SKAP1: variants seen among roughly 807,000 people sequenced by gnomAD.
The protein encoded by SKAP1 is src kinase-associated phosphoprotein 1.
In SKAP1, 44 loss-of-function variants were observed where a neutral mutation model predicts 58.5. The observed-to-expected ratio is 0.75, with a 90% confidence interval of 0.59 to 0.97. SKAP1 has a LOEUF of 0.97. SKAP1 is among the 50% of genes least tolerant of loss of function. The pLI is 0.00. For missense variants in SKAP1, 390 were observed against 435.2 expected (o/e 0.90, Z 0.92); for synonymous variants, 127 against 149.7 (o/e 0.85, Z 1.11).
chr17:48,296,215 A>T (rs1294112009), intron 4 of SKAP1, among the ~76,000 whole-genome samples: 1 of 152,184 alleles, frequency 6.6e-6, no homozygotes, highest in Non-Finnish European at 1.5e-5. Flanking sequence ...AGGTTTGGAA[A>T]GAAAAAAAAA....
chr17:48,350,236 CAAAT>C (rs2066781397), intron 3 of SKAP1, among the ~76,000 whole-genome samples: 1 of 151,974 alleles, frequency 6.6e-6, no homozygotes, highest in East Asian at 1.9e-4. Context: ...GAGAAAATAA[CAAAT>C]AACAGAGAAA....
At chr17:48,219,035 G>A (rs192979057) in intron 4 of SKAP1, among the ~76,000 whole-genome samples, 1 of 152,238 alleles carries the variant, frequency 6.6e-6, no homozygotes, top group African/African-American at 2.4e-5. Flanking sequence ...TTTCCTATTA[G>A]TATTTATCTA....
intron 4 of SKAP1, among the ~76,000 whole-genome samples, chr17:48,328,308 T>C (rs2066463641): frequency 6.6e-6 from 1 of 152,214 alleles, no homozygotes; most frequent in African/African-American, 2.4e-5. Context: ...TAAATACTTT[T>C]ATAATGAAAA....
intron 4 of SKAP1, among the ~76,000 whole-genome samples, chr17:48,259,843 T>G (rs1470766362): frequency 1.3e-5 from 2 of 152,170 alleles, no homozygotes; most frequent in African/African-American, 4.8e-5. Context: ...AAAGGTCAGC[T>G]TTATTTGAAA....
chr17:48,430,512 G>A (rs533041267), upstream of SKAP1, among the ~76,000 whole-genome samples: 2 of 152,118 alleles, frequency 1.3e-5, no homozygotes, highest in Non-Finnish European at 2.9e-5. Context: ...TTGACCTCAC[G>A]GTGGCAGATT....
chr17:48,384,504 T>C (rs572015012), intron 2 of SKAP1, among the ~76,000 whole-genome samples: 2 of 152,262 alleles, frequency 1.3e-5, no homozygotes, highest in South Asian at 4.1e-4. Context: ...GGCCCAACGA[T>C]GACATGAAGG....
At chr17:48,200,125 TA>T (rs970704193) in intron 4 of SKAP1, among the ~76,000 whole-genome samples, 20 of 145,868 alleles carry the variant, frequency 1.4e-4, no homozygotes, top group Admixed American at 2.0e-4. Flanking sequence ...CTGTCTCTAC[TA>T]AAAAAAAAAG....
chr17:48,257,628 CTTTTTTTTTT>C (rs56225931), intron 4 of SKAP1, among the ~76,000 whole-genome samples: 4 of 111,150 alleles, frequency 3.6e-5, no homozygotes, highest in African/African-American at 6.5e-5. Context: ...TTCTTTCTTT[CTTTTTTTTTT>C]TTTTTTTTTT....
At chr17:48,413,523 A>AAAATATATATATATATAT in intron 1 of SKAP1, among the ~76,000 whole-genome samples, 1 of 105,506 alleles carries the variant, frequency 9.5e-6, no homozygotes, top group African/African-American at 4.3e-5. Context: ...TCAAAAAAAA[A>AAAATATATATATATATAT]ATATATATAT....
intron 6 of SKAP1, 156 bp from the exon 7 acceptor site, chr17:48,185,003 G>C: frequency 1.5e-6 from 1 of 664,564 alleles, no homozygotes; most frequent in East Asian, 2.9e-5. Flanking sequence ...CTTAAGAAGA[G>C]GCTACTGCGA....
intron 4 of SKAP1, among the ~76,000 whole-genome samples, chr17:48,265,907 A>C (rs1005824299): frequency 1.3e-5 from 2 of 152,212 alleles, no homozygotes; most frequent in Non-Finnish European, 2.9e-5. Context: ...CAAGTTTTCA[A>C]CTTAACTTAT....
chr17:48,329,302 G>A (rs1862281356), intron 4 of SKAP1, among the ~76,000 whole-genome samples: 1 of 152,212 alleles, frequency 6.6e-6, no homozygotes, highest in South Asian at 2.1e-4. Flanking sequence ...ATGCCTGCCA[G>A]AGTAGGTGCT....
chr17:48,355,394 C>A (rs2066862183), intron 3 of SKAP1, among the ~76,000 whole-genome samples: 1 of 152,186 alleles, frequency 6.6e-6, no homozygotes, highest in Non-Finnish European at 1.5e-5. Flanking sequence ...CCTCCCACCC[C>A]AACCTCCAAA....
intron 2 of SKAP1, among the ~76,000 whole-genome samples, chr17:48,395,602 C>T (rs1343960381): frequency 1.3e-5 from 2 of 152,182 alleles, no homozygotes; most frequent in Non-Finnish European, 2.9e-5. Context: ...TTTAAACACT[C>T]TTTCAACCTA....
At chr17:48,236,665 G>GT (rs778908507) in intron 4 of SKAP1, among the ~76,000 whole-genome samples, 21 of 152,224 alleles carry the variant, frequency 1.4e-4, no homozygotes, top group Non-Finnish European at 2.6e-4. Flanking sequence ...AGACTGCGAA[G>GT]TTTGAGCTAA....
At chr17:48,322,436 A>T (rs1016558805) in intron 4 of SKAP1, among the ~76,000 whole-genome samples, 2 of 152,236 alleles carry the variant, frequency 1.3e-5, no homozygotes, top group African/African-American at 4.8e-5. Flanking sequence ...AGGGAAGTTC[A>T]TTGACAGTTA....
At chr17:48,417,482 C>T (rs370508395) in intron 1 of SKAP1, among the ~76,000 whole-genome samples, 47 of 152,292 alleles carry the variant, frequency 3.1e-4, no homozygotes, top group Non-Finnish European at 6.3e-4. Flanking sequence ...CAGTGGCTAA[C>T]GCCTGTAATC....
At chr17:48,297,996 T>C (rs1393935871) in intron 4 of SKAP1, among the ~76,000 whole-genome samples, 2 of 152,176 alleles carry the variant, frequency 1.3e-5, no homozygotes, top group Non-Finnish European at 2.9e-5. Flanking sequence ...AGATCTCTTC[T>C]GTTTGCTGCA....
intron 4 of SKAP1, among the ~76,000 whole-genome samples, chr17:48,279,758 G>A (rs2084881): frequency 0.33 from 50,105 of 151,996 alleles, 8,982 homozygotes; most frequent in African/African-American, 0.47. Context: ...TTTCCCCAAC[G>A]GGGTCATCTC....
Sources: gnomAD v4.1 joint callset for allele counts (sites outside exome capture counted in the v4.1 genomes callset) on GRCh38, gnomAD v4.1.1 for gene constraint, MANE v1.5 for transcripts, NCBI Gene and HGNC (gene_info 2026-07-23, HGNC 2026-07-21) for gene names.